The following ALPK2 variants were observed in gnomAD, a reference collection of about 807,000 sequenced individuals.
The protein encoded by ALPK2 is alpha kinase 2, also known as alpha-protein kinase 2.
ALPK2 carries 127 observed loss-of-function variants against 163.1 expected under a neutral mutation model. The ratio of observed to expected loss-of-function variants is 0.78; its 90% CI spans 0.67 to 0.90. ALPK2 has a LOEUF of 0.90. ALPK2 is among the 40% of genes least tolerant of loss of function. ALPK2 has a pLI of 0.00. For missense variants in ALPK2, 2,360 were observed against 2,589.6 expected (o/e 0.91, Z 1.92); for synonymous variants, 953 against 959.1 (o/e 0.99, Z 0.12).
intron 4 of ALPK2, among the ~76,000 whole-genome samples, chr18:58,564,920 A>T (rs2051843965): frequency 6.6e-6 from 1 of 152,152 alleles, no homozygotes; most frequent in Non-Finnish European, 1.5e-5. Flanking sequence ...ACCCCTCCAA[A>T]TGTTAGGTTC....
chr18:58,502,731 G>A (rs1223416561), intron 11 of ALPK2, among the ~76,000 whole-genome samples: 1 of 152,232 alleles, frequency 6.6e-6, no homozygotes, highest in Non-Finnish European at 1.5e-5. Flanking sequence ...CCACTTCTGT[G>A]CACCTGGCTC....
intron 1 of ALPK2, among the ~76,000 whole-genome samples, chr18:58,621,949 G>T (rs1440540986): frequency 6.6e-6 from 1 of 151,558 alleles, no homozygotes; most frequent in Non-Finnish European, 1.5e-5. Context: ...TTAGGTGGAA[G>T]AGTCTTTCCA....
At chr18:58,488,372 A>G (rs968095968) in intron 12 of ALPK2, among the ~76,000 whole-genome samples, 1 of 149,574 alleles carries the variant, frequency 6.7e-6, no homozygotes, top group Non-Finnish European at 1.5e-5. Flanking sequence ...TCATCCTAAT[A>G]ATGAATGGCA....
At position 58,579,743 on chromosome 18, in the gene ALPK2, G is replaced by C. The variant is rs747571215; in HGVS notation, c.1033C>G (p.Gln345Glu). 1.2e-6 allele frequency: 2 copies of C among 1,614,172 alleles called. No individual in the cohort carries two copies. Among genetic ancestry groups the C allele is most frequent in the South Asian group, 2.2e-5 (2 of 91,086 alleles). ...TGCTCAGTCCCCAGCAGGTTCCTTT[G>C]CCAAACTGCATTAGAGTAATCCGTC... is the stretch of plus-strand genomic sequence containing the variant. ...VMTDYSNAVW[Q>E]RNLLGTEHVF... The change falls in exon 4 of 13, where the codon CAA (glutamine) becomes GAA (glutamate). Residue 345 changes from glutamine to glutamate, a missense_variant. Transcript: ENST00000361673.
chr18:58,550,705 C>A, intron 4 of ALPK2, among the ~76,000 whole-genome samples: 1 of 150,888 alleles, frequency 6.6e-6, no homozygotes, highest in African/African-American at 2.4e-5. Context: ...CAACCCCATC[C>A]CCGCTTCCAT....
chr18:58,595,145 G>T (rs768362186), intron 3 of ALPK2, among the ~76,000 whole-genome samples: 142 of 152,092 alleles, frequency 9.3e-4, no homozygotes, highest in Non-Finnish European at 1.5e-3. Context: ...ATCACCTCCC[G>T]CTCTGTACTT....
intron 5 of ALPK2, among the ~76,000 whole-genome samples, chr18:58,531,061 T>C (rs1033150679): frequency 6.6e-6 from 1 of 151,926 alleles, no homozygotes; most frequent in Non-Finnish European, 1.5e-5. Context: ...CCAGGTGCAG[T>C]GCGCATGCCT....
At chr18:58,522,868 A>G (rs995094887) in intron 8 of ALPK2, among the ~76,000 whole-genome samples, 2 of 151,810 alleles carry the variant, frequency 1.3e-5, no homozygotes, top group East Asian at 1.9e-4. Flanking sequence ...ATGGCCCTAC[A>G]TTCACTTTGA....
chr18:58,578,738 A>ACACGCGCGCGCGCGCGCG (rs1555673991), intron 4 of ALPK2, 76 bp downstream of exon 4: 1 of 936,582 alleles, frequency 1.1e-6, no homozygotes, highest in African/African-American at 1.7e-5. Context: ...GAAGAGACAC[A>ACACGCGCGCGCGCGCGCG]CACACACACA....
At position 58,599,417 on chromosome 18, in the gene ALPK2, G is replaced by A. The variant is rs115853768; in HGVS notation, c.227+7905C>T. On this transcript the variant is annotated intron_variant, in intron 3 of 12. Transcript: ENST00000361673. ...GGAACACAGACACCTTCCAGGTGTC[G>A]GAAAGTTCTACCAGTCATCCTTAAG... Among the ~76,000 whole-genome samples the A allele has an allele frequency of 4.1e-3, 629 of 152,254 alleles. 6 individuals are homozygous for A. Among genetic ancestry groups the A allele is most frequent in the African/African-American group, 0.014 (599 of 41,544 alleles).
At chr18:58,487,018 C>T (rs907850005) in intron 12 of ALPK2, among the ~76,000 whole-genome samples, 1 of 152,258 alleles carries the variant, frequency 6.6e-6, no homozygotes, top group Non-Finnish European at 1.5e-5. Flanking sequence ...TAGGCCATCT[C>T]TCCAACAGGA....
intron 1 of ALPK2, among the ~76,000 whole-genome samples, chr18:58,625,272 C>T (rs2052223902): frequency 6.6e-6 from 1 of 152,122 alleles, no homozygotes; most frequent in African/African-American, 2.4e-5. Flanking sequence ...AGCAGCTAGA[C>T]TGTAAACTGC....
At chr18:58,564,434 T>C (rs1012103925) in intron 4 of ALPK2, among the ~76,000 whole-genome samples, 4 of 152,170 alleles carry the variant, frequency 2.6e-5, no homozygotes, top group African/African-American at 9.7e-5. Context: ...GTTCATTTTT[T>C]ATTAAGCTAT....
chr18:58,609,907 G>A (rs564464007), intron 2 of ALPK2, among the ~76,000 whole-genome samples: 5 of 152,276 alleles, frequency 3.3e-5, no homozygotes, highest in South Asian at 2.1e-4. Flanking sequence ...TCTGAATGAC[G>A]ATGGACCATC....
At chr18:58,574,627 C>G (rs148086319) in intron 4 of ALPK2, among the ~76,000 whole-genome samples, 2 of 151,818 alleles carry the variant, frequency 1.3e-5, no homozygotes, top group African/African-American at 2.4e-5. Context: ...ACAGTCCTTA[C>G]GAGAATCTAA....
chr18:58,549,988 G>A (rs564901781), intron 4 of ALPK2, among the ~76,000 whole-genome samples: 6 of 152,144 alleles, frequency 3.9e-5, no homozygotes, highest in South Asian at 2.1e-4. Context: ...CTCTGTCTCC[G>A]TCACCTTCCT....
chr18:58,510,751 T>G (rs374974980), intron 10 of ALPK2, among the ~76,000 whole-genome samples: 3 of 151,690 alleles, frequency 2.0e-5, no homozygotes, highest in Non-Finnish European at 2.9e-5. Flanking sequence ...CTGAGACTTT[T>G]CTGAAGTTGC....
chr18:58,574,943 G>C (rs1444195170), intron 4 of ALPK2, among the ~76,000 whole-genome samples: 1 of 152,178 alleles, frequency 6.6e-6, no homozygotes, highest in Non-Finnish European at 1.5e-5. Flanking sequence ...GCTGGGCATG[G>C]TGGCTCACGC....
intron 4 of ALPK2, among the ~76,000 whole-genome samples, chr18:58,562,418 A>G (rs1033181369): frequency 6.6e-6 from 1 of 152,252 alleles, no homozygotes; most frequent in African/African-American, 2.4e-5. Flanking sequence ...TTGGTAAGTA[A>G]CAATTCCATT....
Sources: gnomAD v4.1 joint callset for allele counts (sites outside exome capture counted in the v4.1 genomes callset) on GRCh38, gnomAD v4.1.1 for gene constraint, MANE v1.5 for transcripts, NCBI Gene and HGNC (gene_info 2026-07-23, HGNC 2026-07-21) for gene names.